ATRNL1: variants seen among roughly 807,000 people sequenced by gnomAD.
The protein encoded by ATRNL1 is attractin like 1.
Under a neutral mutation model 182.7 loss-of-function variants are expected in ATRNL1, and 95 were observed. That is an observed-to-expected ratio of 0.52 (90% CI 0.44 to 0.62). ATRNL1 has a LOEUF of 0.62. Among genes scored for constraint, ATRNL1 ranks in the 20% least tolerant of loss-of-function variants. The pLI is 0.00. For missense variants in ATRNL1, 1,471 were observed against 1,679.5 expected, an observed-to-expected ratio of 0.88 and a Z score of 2.17; for synonymous variants, 576 against 568.3, an observed-to-expected ratio of 1.01 and a Z score of -0.19.
At position 115,825,532 on chromosome 10, in the gene ATRNL1, A is replaced by C. The variant is rs552956904; in HGVS notation, c.3904-22345A>C. On this transcript the variant is annotated intron_variant, in intron 27 of 28. Coordinates refer to ENST00000355044, the MANE Select transcript of ATRNL1 (RefSeq NM_207303.4). The stretch of plus-strand genomic sequence containing the variant: ...GCCCTGATCTGCCACCCCCACCCCC[A>C]ACATGGCATCTCGTTACCTAAAATA... 4.9e-4 allele frequency among the ~76,000 whole-genome samples: 74 copies of C among 152,058 alleles called. 1 individual carries two copies. Among genetic ancestry groups the C allele is most frequent in the Middle Eastern group, 6.8e-3 (2 of 292 alleles).
intron 10 of ATRNL1, among the ~76,000 whole-genome samples, chr10:115,254,461 T>C (rs1263687230): frequency 6.6e-5 from 10 of 152,236 alleles, no homozygotes; most frequent in Non-Finnish European, 1.5e-4. Flanking sequence ...TTCATGTCCT[T>C]TGCCCACTTT....
chr10:115,865,483 A>G (rs1555104527), intron 28 of ATRNL1, among the ~76,000 whole-genome samples: 2 of 152,164 alleles, frequency 1.3e-5, no homozygotes, highest in South Asian at 2.1e-4. Context: ...ATTTCATTAT[A>G]TGGTTCCTGG....
intron 24 of ATRNL1, among the ~76,000 whole-genome samples, chr10:115,501,229 TGGCCCAGGTGA>T (rs1205434555): frequency 1.3e-5 from 2 of 152,144 alleles, no homozygotes; most frequent in Non-Finnish European, 1.5e-5. Flanking sequence ...CCACTGCGTC[TGGCCCAGGTGA>T]GACTTTTTTA....
rs149800361 is a variant in ATRNL1, at chr10:115,927,342, T to C, written c.4019-17316T>C. On this transcript the variant is annotated intron_variant, in intron 28 of 28. Coordinates refer to ENST00000355044, the MANE Select transcript of ATRNL1 (RefSeq NM_207303.4). ...ACCTGGAAGCATTCCCTTTGAAAAC[T>C]GGTAGAATTCTATTTCATTCAAAAA... Among the ~76,000 whole-genome samples, 99 of 152,196 alleles carry C rather than the reference T, an allele frequency of 6.5e-4. 1 individual carries two copies. Among genetic ancestry groups the C allele is most frequent in the African/African-American group, 2.1e-3 (87 of 41,560 alleles).
At chr10:115,888,994 T>C (rs548243727) in intron 28 of ATRNL1, among the ~76,000 whole-genome samples, 1 of 152,350 alleles carries the variant, frequency 6.6e-6, no homozygotes, top group African/African-American at 2.4e-5. Context: ...TGCATAGAGC[T>C]AGATATGAGT....
At chr10:115,711,599 T>C (rs1394633349) in intron 26 of ATRNL1, among the ~76,000 whole-genome samples, 2 of 152,164 alleles carry the variant, frequency 1.3e-5, no homozygotes, top group Admixed American at 1.3e-4. Flanking sequence ...AGCAGTTTAT[T>C]TGGGCAGGAG....
chr10:115,235,553 C>A (rs1850147104), intron 9 of ATRNL1, among the ~76,000 whole-genome samples: 1 of 151,898 alleles, frequency 6.6e-6, no homozygotes, highest in Admixed American at 6.6e-5. Flanking sequence ...TGTATTATAC[C>A]ATATATCAGT....
intron 26 of ATRNL1, among the ~76,000 whole-genome samples, chr10:115,719,516 T>C (rs1416038206): frequency 5.9e-5 from 9 of 152,216 alleles, no homozygotes; most frequent in Non-Finnish European, 1.3e-4. Context: ...CCAGGGATTG[T>C]CTATGCTGGA....
intron 28 of ATRNL1, among the ~76,000 whole-genome samples, chr10:115,873,782 G>C (rs1406632370): frequency 6.6e-6 from 1 of 152,228 alleles, no homozygotes; most frequent in Admixed American, 6.5e-5. Flanking sequence ...AGACCAATGA[G>C]ACTGAGACAA....
At chr10:115,179,621 T>G (rs906890409) in intron 8 of ATRNL1, among the ~76,000 whole-genome samples, 6 of 152,148 alleles carry the variant, frequency 3.9e-5, no homozygotes, top group African/African-American at 1.4e-4. Context: ...TACTATTGGC[T>G]TTTTAGAGAT....
intron 19 of ATRNL1, among the ~76,000 whole-genome samples, chr10:115,371,343 C>A (rs1857385360): frequency 6.6e-6 from 1 of 152,110 alleles, no homozygotes; most frequent in Admixed American, 6.5e-5. Flanking sequence ...CAGCTGGCAC[C>A]CTGCATTTGG....
chr10:115,514,902 CTTTGT>C (rs1850562750), intron 24 of ATRNL1, among the ~76,000 whole-genome samples: 1 of 151,740 alleles, frequency 6.6e-6, no homozygotes. Flanking sequence ...GTTGGACCTT[CTTTGT>C]TTTGTCTATA....
intron 26 of ATRNL1, among the ~76,000 whole-genome samples, chr10:115,659,583 G>A (rs2133900436): frequency 6.6e-6 from 1 of 152,078 alleles, no homozygotes; most frequent in East Asian, 1.9e-4. Flanking sequence ...ATTATTTAAT[G>A]TATTGTAATA....
At chr10:115,120,622 CA>C (rs2143623065) in intron 2 of ATRNL1, among the ~76,000 whole-genome samples, 1 of 151,948 alleles carries the variant, frequency 6.6e-6, no homozygotes, top group East Asian at 1.9e-4. Context: ...CATTTTAGTT[CA>C]AAGGGTATTT....
rs533870121 is a variant in ATRNL1 at position 115,361,591 on chromosome 10, C to A, written c.3175+27172C>A. Among the ~76,000 whole-genome samples, 119 of 152,174 alleles carry A rather than the reference C, an allele frequency of 7.8e-4. No individual in the cohort carries two copies. In the South Asian group the frequency reaches 0.017, roughly 21 times the overall value. On this transcript the variant is annotated intron_variant, in intron 19 of 28. Transcript: ENST00000355044. ...TCACCTACATCAATATTCATTTCTTCCTTCTTCACAATCCTTTAAAAATGC... is the reference window on the plus strand; with the variant it reads ...TCACCTACATCAATATTCATTTCTTACTTCTTCACAATCCTTTAAAAATGC...
intron 27 of ATRNL1, among the ~76,000 whole-genome samples, chr10:115,790,467 T>C (rs535597968): frequency 8.5e-5 from 13 of 152,238 alleles, no homozygotes; most frequent in East Asian, 7.8e-4. Context: ...TCTGTTACGA[T>C]TGAATTTTAG....
At chr10:115,144,093 C>T (rs1845867168) in intron 5 of ATRNL1, among the ~76,000 whole-genome samples, 4 of 151,482 alleles carry the variant, frequency 2.6e-5, no homozygotes, top group African/African-American at 9.7e-5. Context: ...GATTCTCCTG[C>T]CTCAGCCTCC....
At chr10:115,388,715 T>C (rs1478504672) in intron 19 of ATRNL1, among the ~76,000 whole-genome samples, 4 of 152,094 alleles carry the variant, frequency 2.6e-5, no homozygotes, top group African/African-American at 9.6e-5. Context: ...GTGATGTGTT[T>C]CTCTGCTCTT....
intron 24 of ATRNL1, among the ~76,000 whole-genome samples, chr10:115,484,466 A>AT (rs1165668831): frequency 6.6e-6 from 1 of 151,670 alleles, no homozygotes; most frequent in Non-Finnish European, 1.5e-5. Flanking sequence ...AGGATAAGGT[A>AT]TCAAGTTACA....
Sources: gnomAD v4.1 joint callset for allele counts (sites outside exome capture counted in the v4.1 genomes callset) on GRCh38, gnomAD v4.1.1 for gene constraint, MANE v1.5 for transcripts, NCBI Gene and HGNC (gene_info 2026-07-23, HGNC 2026-07-21) for gene names.